Variants in NUS1 observed in about 807,000 individuals in gnomAD.
NUS1 encodes NUS1 dehydrodolichyl diphosphate synthase subunit.
For missense variants in NUS1, 292 were observed against 382.9 expected (o/e 0.76, Z 1.98); for synonymous variants, 135 against 155.2 (o/e 0.87, Z 0.97).
intron 3 of NUS1, among the ~76,000 whole-genome samples, chr6:117,696,764 G>T (rs1773327073): frequency 6.6e-6 from 1 of 152,076 alleles, no homozygotes; most frequent in Admixed American, 6.5e-5. Context: ...TTCCCTGCAA[G>T]AAATGCTAAG....
intron 1 of NUS1, among the ~76,000 whole-genome samples, chr6:117,678,451 G>T (rs2114676730): frequency 6.6e-6 from 1 of 152,226 alleles, no homozygotes; most frequent in African/African-American, 2.4e-5. Context: ...AATAATATAC[G>T]TGGGTAAATA....
chr6:117,678,187 A>G (rs775615748), intron 1 of NUS1, among the ~76,000 whole-genome samples: 24 of 152,360 alleles, frequency 1.6e-4, no homozygotes, highest in Non-Finnish European at 7.3e-5. Flanking sequence ...AGGCACCTTA[A>G]GGAGCATTTT....
chr6:117,699,767 A>G (rs1331775701), intron 3 of NUS1, among the ~76,000 whole-genome samples: 1 of 152,168 alleles, frequency 6.6e-6, no homozygotes, highest in African/African-American at 2.4e-5. Flanking sequence ...ACAGAGCTAT[A>G]CTTATAGTTA....
In NUS1 at chr6:117,675,503, A is replaced by G. The variant is rs949107489; in HGVS notation, c.-168A>G. ...GGGGCGGGGCTGCCAAGGGAGGAGG[A>G]AGATGGCGGCGGGGGCGAGGTGAGG... On this transcript the variant is annotated 5_prime_UTR_variant, in exon 1 of 5. Transcript: ENST00000368494. 6.1e-6 allele frequency: 4 copies of G among 657,880 alleles called. No individual in the cohort carries two copies. Among genetic ancestry groups the G allele is most frequent in the Non-Finnish European group, 7.8e-6 (3 of 386,840 alleles). The allele number at this position is 657,880 out of a possible 1,614,324, so 40.8% of individuals were successfully genotyped here. A position where few individuals can be genotyped will look rare whatever the true frequency, so the allele number is the denominator to read the frequency against.
At position 117,707,219 on chromosome 6, in the gene NUS1, A is replaced by G. The variant is rs1052262; in HGVS notation, c.*204A>G. The stretch of plus-strand genomic sequence containing the variant: ...TGCACACATGTGCACGTTTGTATGT[A>G]TGGAAATAAACTTATAAATGGGGAC... On this transcript the variant is annotated 3_prime_UTR_variant, in exon 5 of 5. Transcript: ENST00000368494. 2 of 494,666 alleles carry G rather than the reference A, an allele frequency of 4.0e-6. No homozygotes were observed. The highest frequency in any genetic ancestry group is 2.3e-5 in the South Asian group (1 of 44,366). The allele number at this position is 494,666 out of a possible 1,614,324, so 30.6% of individuals were successfully genotyped here.
rs1772974526 is a variant in NUS1, at chr6:117,676,051, G to A, written c.381G>A (p.Val127=). The part of the protein sequence containing the change: ...IASLVVWCMA[V]GISYISVYDH... ...GCCTCGTGGTGTGGTGTATGGCCGT[G>A]GGCATCTCCTACATTAGCGTCTACG... The change falls in exon 1 of 5, where the codon GTG becomes GTA. Residue 127 remains valine, a synonymous_variant. Coordinates refer to ENST00000368494, the MANE Select transcript of NUS1 (RefSeq NM_138459.5). 1.3e-6 allele frequency: 2 copies of A among 1,550,604 alleles called. No homozygotes were observed. The highest frequency in any genetic ancestry group is 1.2e-5 in the South Asian group (1 of 84,020).
chr6:117,698,503 T>C (rs1773352851), intron 3 of NUS1, among the ~76,000 whole-genome samples: 1 of 151,584 alleles, frequency 6.6e-6, no homozygotes, highest in African/African-American at 2.4e-5. Flanking sequence ...CAATAATAAG[T>C]GATGAGGTTG....
At chr6:117,704,279 G>A (rs191608383) in intron 4 of NUS1, among the ~76,000 whole-genome samples, 1 of 152,230 alleles carries the variant, frequency 6.6e-6, no homozygotes, top group African/African-American at 2.4e-5. Context: ...ATTGAATTTG[G>A]GAAGGGATGA....
chr6:117,697,814 A>G (rs1215352020), intron 3 of NUS1, among the ~76,000 whole-genome samples: 1 of 152,170 alleles, frequency 6.6e-6, no homozygotes, highest in Non-Finnish European at 1.5e-5. Flanking sequence ...AATGGATCTA[A>G]TAGATATTTA....
At chr6:117,683,857 C>T (rs1773098286) in intron 1 of NUS1, among the ~76,000 whole-genome samples, 1 of 152,142 alleles carries the variant, frequency 6.6e-6, no homozygotes, top group Non-Finnish European at 1.5e-5. Context: ...ATAAGATTTG[C>T]TGATGGAATA....
Position 117,675,478 on chromosome 6 carries a change from G to T in NUS1, c.-193G>T. ...AATCGGAACTGTCCATGTACTACTG[G>T]GGGCGGGGCTGCCAAGGGAGGAGGA... On this transcript the variant is annotated 5_prime_UTR_variant, in exon 1 of 5. Transcript: ENST00000368494. The T allele has an allele frequency of 1.6e-6, 1 of 616,620 alleles. No homozygotes were observed. Among genetic ancestry groups the T allele is most frequent in the Admixed American group, 2.9e-5 (1 of 34,400 alleles). 38.2% of individuals were successfully genotyped at this position (616,620 alleles called of 1,614,324 possible). A position where few individuals can be genotyped will look rare whatever the true frequency, so the allele number is the denominator to read the frequency against.
At chr6:117,695,406 T>C (rs1427336092) in intron 3 of NUS1, among the ~76,000 whole-genome samples, 2 of 152,074 alleles carry the variant, frequency 1.3e-5, no homozygotes, top group Non-Finnish European at 2.9e-5. Flanking sequence ...ATATTCAGGC[T>C]CAGTGAGTAG....
chr6:117,682,574 C>T (rs776322144), intron 1 of NUS1, among the ~76,000 whole-genome samples: 4 of 152,178 alleles, frequency 2.6e-5, no homozygotes, highest in South Asian at 2.1e-4. Context: ...GTACTCTAGC[C>T]GGGGTGAGAC....
chr6:117,691,777 G>A (rs1773226434), intron 1 of NUS1, among the ~76,000 whole-genome samples: 2 of 151,314 alleles, frequency 1.3e-5, no homozygotes, highest in Admixed American at 6.6e-5. Flanking sequence ...AGATGATCAA[G>A]GTAAGCATGA....
At chr6:117,704,127 G>A (rs1332401307) in intron 4 of NUS1, among the ~76,000 whole-genome samples, 5 of 152,158 alleles carry the variant, frequency 3.3e-5, no homozygotes, top group Admixed American at 1.3e-4. Context: ...TAGTTCAGAG[G>A]TGTCAAGGCT....
rs1229682908 is a variant in NUS1, at chr6:117,708,549, A to AT, written c.*1540dup. The AT allele has an allele frequency of 2.0e-5, 3 of 152,340 alleles. No homozygotes were observed. The highest frequency in any genetic ancestry group is 2.9e-5 in the Non-Finnish European group (2 of 67,886). The allele number at this position is 152,340 out of a possible 1,614,324, so 9.4% of individuals were successfully genotyped here. On this transcript the variant is annotated 3_prime_UTR_variant, in exon 5 of 5. Transcript: ENST00000368494. ...TTTGGATTATGAAACCCCATTTATGATTTTTTAAATACACTTGAAATAAAA... is the reference window on the plus strand; with the variant it reads ...TTTGGATTATGAAACCCCATTTATGATTTTTTTAAATACACTTGAAATAAAA...
chr6:117,689,061 G>A (rs1773179948), intron 1 of NUS1, among the ~76,000 whole-genome samples: 3 of 152,176 alleles, frequency 2.0e-5, no homozygotes, highest in Non-Finnish European at 4.4e-5. Context: ...AGAGGATTCA[G>A]TGGAAAGTGA....
intron 1 of NUS1, among the ~76,000 whole-genome samples, chr6:117,677,515 C>T (rs1479567982): frequency 2.0e-5 from 3 of 152,206 alleles, no homozygotes; most frequent in African/African-American, 7.2e-5. Context: ...GTTTTATTCT[C>T]TGTTCAATAA....
Position 117,690,019 on chromosome 6 carries a change from A to G in NUS1, c.416-3023A>G, listed in dbSNP as rs117968906. Among the ~76,000 whole-genome samples the G allele has an allele frequency of 4.6e-3, 699 of 152,304 alleles. 3 individuals are homozygous for G. Among genetic ancestry groups the G allele is most frequent in the Non-Finnish European group, 6.5e-3 (440 of 68,034 alleles). On this transcript the variant is annotated intron_variant, in intron 1 of 4. Transcript: ENST00000368494. ...TATATTTTATATGCTGTTTTGGAAT[A>G]TATGCTTTTTATATACATGTGAATT...
Sources: allele counts gnomAD v4.1 joint callset (sites outside exome capture counted in the v4.1 genomes callset), GRCh38; gene constraint gnomAD v4.1.1; transcripts MANE v1.5; gene names NCBI Gene and HGNC (gene_info 2026-07-23, HGNC 2026-07-21).